Variants in PAPPA2 observed in about 807,000 individuals in gnomAD.
The protein encoded by PAPPA2 is pappalysin-2.
In PAPPA2, 86 loss-of-function variants were observed where a neutral mutation model predicts 176.4. That is an observed-to-expected ratio of 0.49 (90% CI 0.41 to 0.58). The LOEUF (loss-of-function observed/expected upper bound fraction) is 0.58, where lower values mean the gene tolerates loss of function less well. PAPPA2 is among the 20% of genes least tolerant of loss of function. The pLI is 0.00. For missense variants in PAPPA2, 2,073 were observed against 2,256.9 expected, an observed-to-expected ratio of 0.92 and a Z score of 1.65; for synonymous variants, 809 against 852.2, an observed-to-expected ratio of 0.95 and a Z score of 0.88.
At chr1:176,519,204 T>C (rs1240310545) in intron 1 of PAPPA2, among the ~76,000 whole-genome samples, 2 of 152,160 alleles carry the variant, frequency 1.3e-5, no homozygotes, top group Non-Finnish European at 2.9e-5. Context: ...CTGCTCTTTA[T>C]CAGCCAACTC....
intron 1 of PAPPA2, among the ~76,000 whole-genome samples, chr1:176,476,674 T>G (rs1196727250): frequency 6.6e-6 from 1 of 152,208 alleles, no homozygotes; most frequent in Non-Finnish European, 1.5e-5. Flanking sequence ...TCATTTCAAT[T>G]GATCTCTTGG....
intron 21 of PAPPA2, among the ~76,000 whole-genome samples, chr1:176,828,476 A>G (rs1356761596): frequency 6.6e-6 from 1 of 151,272 alleles, no homozygotes; most frequent in East Asian, 1.9e-4. Context: ...TTTATGTTAC[A>G]GATCTATAAT....
chr1:176,676,791 T>C (rs1432911568), intron 4 of PAPPA2, among the ~76,000 whole-genome samples: 2 of 152,062 alleles, frequency 1.3e-5, no homozygotes, highest in East Asian at 3.9e-4. Context: ...GATAGACATC[T>C]ATGATCTCTA....
Position 176,739,940 on chromosome 1 carries a change from A to G in PAPPA2, c.3935-40A>G, listed in dbSNP as rs138029827. 585 of 1,605,776 alleles carry G rather than the reference A, an allele frequency of 3.6e-4. No individual in the cohort carries two copies. In the African/African-American group the frequency reaches 6.7e-3, roughly 18 times the overall value. On this transcript the variant is annotated intron_variant, in intron 13 of 22. Transcript: ENST00000367662. ...TACAAGATATGGAAACATGGTACTA[A>G]CAATGGCTGAAAATATGATTCATCT...
chr1:176,833,720 A>G (rs956204392), intron 21 of PAPPA2, among the ~76,000 whole-genome samples: 2 of 152,184 alleles, frequency 1.3e-5, no homozygotes, highest in Non-Finnish European at 2.9e-5. Context: ...CTGAAACGTA[A>G]GTATGATACA....
intron 3 of PAPPA2, among the ~76,000 whole-genome samples, chr1:176,637,740 C>T (rs1656807028): frequency 6.6e-6 from 1 of 152,134 alleles, no homozygotes; most frequent in Non-Finnish European, 1.5e-5. Flanking sequence ...TATTGGTAGA[C>T]AACACTGGCT....
intron 2 of PAPPA2, among the ~76,000 whole-genome samples, chr1:176,559,423 G>A (rs1010670294): frequency 6.6e-6 from 1 of 152,190 alleles, no homozygotes; most frequent in Non-Finnish European, 1.5e-5. Context: ...TAGGGTAAAG[G>A]TCTGGGAAAG....
At chr1:176,623,155 C>T (rs1333193189) in intron 3 of PAPPA2, among the ~76,000 whole-genome samples, 1 of 152,178 alleles carries the variant, frequency 6.6e-6, no homozygotes, top group Admixed American at 6.5e-5. Flanking sequence ...AAGTCACTGA[C>T]TACCAGCTCA....
intron 1 of PAPPA2, among the ~76,000 whole-genome samples, chr1:176,522,800 C>T (rs78538575): frequency 0.14 from 20,704 of 147,264 alleles, 1,567 homozygotes; most frequent in South Asian, 0.19. Context: ...TTTGTGTAGA[C>T]GAAGAGGGAA....
chr1:176,541,791 A>G (rs923786847), intron 1 of PAPPA2, among the ~76,000 whole-genome samples: 4 of 152,222 alleles, frequency 2.6e-5, no homozygotes, highest in African/African-American at 9.6e-5. Context: ...CACTAATTTC[A>G]CCAAGAGTTG....
chr1:176,609,606 G>A (rs1654797575), intron 3 of PAPPA2, among the ~76,000 whole-genome samples: 1 of 152,206 alleles, frequency 6.6e-6, no homozygotes, highest in Non-Finnish European at 1.5e-5. Context: ...GAACAGGAAG[G>A]AGCTAGCATG....
chr1:176,725,835 CA>C (rs1282056449), intron 12 of PAPPA2, among the ~76,000 whole-genome samples: 2 of 152,216 alleles, frequency 1.3e-5, no homozygotes, highest in Admixed American at 6.5e-5. Context: ...GGCTGGAGTG[CA>C]GTGGCACAAT....
chr1:176,773,947 A>G (rs1664342407), intron 17 of PAPPA2, among the ~76,000 whole-genome samples: 1 of 152,258 alleles, frequency 6.6e-6, no homozygotes, highest in South Asian at 2.1e-4. Flanking sequence ...CATCCCCTGC[A>G]TGCTCTATGC....
intron 2 of PAPPA2, among the ~76,000 whole-genome samples, chr1:176,577,343 G>A (rs1478840778): frequency 6.6e-6 from 1 of 152,090 alleles, no homozygotes; most frequent in Admixed American, 6.6e-5. Context: ...GGAAAGCCAG[G>A]GGAATCTCCT....
rs943301715 is a variant in PAPPA2, at chr1:176,638,563, G to T, written c.1992-32407G>T. On this transcript the variant is annotated intron_variant, in intron 3 of 22. Transcript: ENST00000367662. ...CCCCATTATTTAGGGAAACCGAATT[G>T]CACATTCTCAGGAAAGAGGGAAGAC... Among the ~76,000 whole-genome samples, 166 of 152,062 alleles carry T rather than the reference G, an allele frequency of 1.1e-3. 1 individual carries two copies. The highest frequency in any genetic ancestry group is 4.0e-3 in the African/African-American group (164 of 41,498).
intron 12 of PAPPA2, among the ~76,000 whole-genome samples, chr1:176,724,922 C>T (rs1052549069): frequency 2.0e-5 from 3 of 152,142 alleles, no homozygotes; most frequent in Admixed American, 6.6e-5. Context: ...TAAGCACTGG[C>T]TAGTAGAGCT....
At chr1:176,481,131 G>T (rs1652373728) in intron 1 of PAPPA2, among the ~76,000 whole-genome samples, 1 of 152,134 alleles carries the variant, frequency 6.6e-6, no homozygotes, top group Admixed American at 6.5e-5. Flanking sequence ...GAAGCTTTCT[G>T]AATATTGGAT....
intron 1 of PAPPA2, among the ~76,000 whole-genome samples, chr1:176,541,700 G>A (rs182135640): frequency 6.6e-6 from 1 of 152,272 alleles, no homozygotes; most frequent in Non-Finnish European, 1.5e-5. Flanking sequence ...TTAACGAGAA[G>A]TATTTTTTGT....
chr1:176,487,867 C>T (rs1369744863), intron 1 of PAPPA2, among the ~76,000 whole-genome samples: 1 of 152,106 alleles, frequency 6.6e-6, no homozygotes, highest in Non-Finnish European at 1.5e-5. Context: ...CTGATAGTAT[C>T]CAGTCTCTCA....
Sources: allele counts gnomAD v4.1 joint callset (sites outside exome capture counted in the v4.1 genomes callset), GRCh38; gene constraint gnomAD v4.1.1; transcripts MANE v1.5; gene names NCBI Gene and HGNC (gene_info 2026-07-23, HGNC 2026-07-21).